Variants in NAA60 observed in about 807,000 individuals in gnomAD.
NAA60 encodes N-alpha-acetyltransferase 60.
In NAA60, 8 loss-of-function variants were observed where a neutral mutation model predicts 26.1. The observed-to-expected ratio is 0.31, with a 90% CI of 0.18 to 0.55. The LOEUF is 0.55. NAA60 is among the 20% of genes least tolerant of loss of function. The probability of loss-of-function intolerance (pLI) is 0.93; values close to 1 mark genes in which losing one functional copy is unlikely to be tolerated. For missense variants in NAA60, 290 were observed against 311.3 expected (o/e 0.93, Z 0.51); for synonymous variants, 131 against 122.5 (o/e 1.07, Z -0.46).
At chr16:3,458,091 G>T in intron 2 of NAA60, 1 of 985,302 alleles carries the variant, frequency 1.0e-6, no homozygotes, top group African/African-American at 1.7e-5. Context: ...ACTCGTTGCG[G>T]GCTCCGCGCG....
intron 2 of NAA60, among the ~76,000 whole-genome samples, chr16:3,470,758 G>A (rs972009351): frequency 1.1e-4 from 16 of 152,228 alleles, no homozygotes; most frequent in African/African-American, 3.9e-4. Flanking sequence ...ATGGGCCAGG[G>A]CACATGTGGG....
intron 2 of NAA60, among the ~76,000 whole-genome samples, chr16:3,468,401 A>G (rs1420602871): frequency 6.6e-6 from 1 of 152,204 alleles, no homozygotes; most frequent in African/African-American, 2.4e-5. Context: ...CCCTGCCTCC[A>G]GACCCTATTC....
At chr16:3,447,619 A>G (rs1052812844) in intron 1 of NAA60, 1 of 985,438 alleles carries the variant, frequency 1.0e-6, no homozygotes, top group Non-Finnish European at 1.2e-6. Context: ...AAGGGGGCCT[A>G]GGTAAGCAAG....
intron 2 of NAA60, among the ~76,000 whole-genome samples, chr16:3,464,373 G>C (rs955420708): frequency 6.6e-6 from 1 of 152,172 alleles, no homozygotes. Context: ...CAGAGAAGCA[G>C]AGAGTAAAAA....
intron 1 of NAA60, among the ~76,000 whole-genome samples, chr16:3,448,126 A>G (rs1272062580): frequency 1.3e-5 from 2 of 152,056 alleles, no homozygotes; most frequent in African/African-American, 2.4e-5. Flanking sequence ...GATGGGTTGG[A>G]GGCTGGGCGT....
At chr16:3,472,430 T>C (rs956445573) in intron 2 of NAA60, 6 of 152,244 alleles carry the variant, frequency 3.9e-5, no homozygotes, top group African/African-American at 1.2e-4. Flanking sequence ...TTTTGTTTAT[T>C]TTTTGAGACA....
Position 3,443,717 on chromosome 16 carries a change from G to A in NAA60, c.-197G>A, listed in dbSNP as rs901176551. 10 of 1,472,406 alleles carry A rather than the reference G, an allele frequency of 6.8e-6. No individual in the cohort carries two copies. The highest frequency in any genetic ancestry group is 9.0e-6 in the Non-Finnish European group (10 of 1,114,262). 91.2% of individuals were successfully genotyped at this position (1,472,406 alleles called of 1,614,324 possible). On this transcript the variant is annotated 5_prime_UTR_variant, in exon 1 of 8. Transcript: ENST00000407558. ...GCGGGGTCTCCTCCGTGAGCTCCGG[G>A]CCTGTTTGCCTGCTGAAGTAGAGTC...
chr16:3,455,161 C>T (rs1326310205), intron 2 of NAA60, among the ~76,000 whole-genome samples: 1 of 152,030 alleles, frequency 6.6e-6, no homozygotes, highest in Non-Finnish European at 1.5e-5. Context: ...AAGCCATTCT[C>T]ATGTCTCAGA....
At chr16:3,472,287 C>T (rs1182215461) in intron 2 of NAA60, 1 of 152,242 alleles carries the variant, frequency 6.6e-6, no homozygotes, top group African/African-American at 2.4e-5. Context: ...GCGCTGCTTT[C>T]CAGAGCTCTC....
chr16:3,459,662 C>T (rs964404789), intron 2 of NAA60, among the ~76,000 whole-genome samples: 2 of 152,146 alleles, frequency 1.3e-5, no homozygotes, highest in East Asian at 1.9e-4. Context: ...AAGTTGCAGA[C>T]ACTGTGGGTT....
intron 2 of NAA60, among the ~76,000 whole-genome samples, chr16:3,470,538 G>A (rs1291434934): frequency 6.6e-6 from 1 of 152,220 alleles, no homozygotes; most frequent in Admixed American, 6.5e-5. Context: ...GCTGGGCCCA[G>A]CGTGGCCCTC....
In NAA60 at chr16:3,484,177, G is replaced by C. The variant is rs182794853; in HGVS notation, c.573-522G>C. On this transcript the variant is annotated intron_variant, in intron 6 of 7. Transcript: ENST00000407558. ...TGTGGCCCAAAAAAATGCTGTGCGT[G>C]TGTGTGTGTGTTTTCAAATTCATGA... Among the ~76,000 whole-genome samples, 381 of 152,206 alleles carry C rather than the reference G, an allele frequency of 2.5e-3. 1 individual carries two copies. The highest frequency in any genetic ancestry group is 8.1e-3 in the African/African-American group (335 of 41,538).
intron 2 of NAA60, among the ~76,000 whole-genome samples, chr16:3,458,959 G>A (rs1410547771): frequency 1.3e-5 from 2 of 152,206 alleles, no homozygotes; most frequent in East Asian, 3.8e-4. Flanking sequence ...ACGGAGACAG[G>A]ACCCAGGGTC....
At chr16:3,457,728 A>G (rs1409298012) in intron 2 of NAA60, among the ~76,000 whole-genome samples, 1 of 152,160 alleles carries the variant, frequency 6.6e-6, no homozygotes. Flanking sequence ...GCCACTCGGT[A>G]GAGCCGCGGG....
In NAA60 at chr16:3,443,706, G is replaced by C. The variant is rs1361246809; in HGVS notation, c.-208G>C. On this transcript the variant is annotated 5_prime_UTR_variant, in exon 1 of 8. Transcript: ENST00000407558. Reference sequence around the variant, plus strand: ...CGCTTCCGCTGGCGGGGTCTCCTCCGTGAGCTCCGGGCCTGTTTGCCTGCT... The same window carrying C: ...CGCTTCCGCTGGCGGGGTCTCCTCCCTGAGCTCCGGGCCTGTTTGCCTGCT... 1.0e-5 allele frequency: 15 copies of C among 1,433,604 alleles called. No individual in the cohort carries two copies. The highest frequency in any genetic ancestry group is 2.9e-5 in the African/African-American group (2 of 68,910). The allele number at this position is 1,433,604 out of a possible 1,614,324, so 88.8% of individuals were successfully genotyped here. A position where few individuals can be genotyped will look rare whatever the true frequency, so the allele number is the denominator to read the frequency against.
intron 2 of NAA60, chr16:3,467,983 A>G (rs1305541666): frequency 6.6e-6 from 1 of 152,220 alleles, no homozygotes; most frequent in Non-Finnish European, 1.5e-5. Flanking sequence ...TGGGGTTTAA[A>G]TACCCTCTAG....
In NAA60 at chr16:3,475,779, C is replaced by T. The variant is rs150983946; in HGVS notation, c.-6-443C>T. On this transcript the variant is annotated intron_variant, in intron 2 of 7. Coordinates refer to ENST00000407558, the MANE Select transcript of NAA60 (RefSeq NM_001083601.3). ...ATCCAGCCGTTCACTGCCCCGGCCA[C>T]CGGGCTGCTTTGAAGGGGGATGAGG... Among the ~76,000 whole-genome samples the T allele has an allele frequency of 4.3e-3, 654 of 152,368 alleles. 2 individuals are homozygous for T. The highest frequency in any genetic ancestry group is 0.027 in the Middle Eastern group (8 of 294).
At chr16:3,450,426 C>T (rs910425986) in intron 2 of NAA60, among the ~76,000 whole-genome samples, 13 of 152,180 alleles carry the variant, frequency 8.5e-5, no homozygotes, top group African/African-American at 2.2e-4. Flanking sequence ...TCCTGCTGGG[C>T]GCAGTGGCTC....
At chr16:3,462,049 T>G (rs2150967822) in intron 2 of NAA60, among the ~76,000 whole-genome samples, 1 of 134,408 alleles carries the variant, frequency 7.4e-6, no homozygotes, top group East Asian at 2.3e-4. Context: ...ATGGTGCCAC[T>G]GCATTCCAGC....
Sources: gnomAD v4.1 joint callset for allele counts (sites outside exome capture counted in the v4.1 genomes callset) on GRCh38, gnomAD v4.1.1 for gene constraint, MANE v1.5 for transcripts, NCBI Gene and HGNC (gene_info 2026-07-23, HGNC 2026-07-21) for gene names.